RAPGEF6: variants seen among roughly 807,000 people sequenced by gnomAD.
RAPGEF6 encodes PDZ domain containing guanine nucleotide exchange factor (GEF) 2.
In RAPGEF6, 56 loss-of-function variants were observed where a neutral mutation model predicts 171.4. The observed-to-expected ratio is 0.33, with a 90% CI of 0.26 to 0.41. The LOEUF (loss-of-function observed/expected upper bound fraction) is 0.41. RAPGEF6 is among the 10% of genes least tolerant of loss of function. The pLI, the probability that RAPGEF6 is intolerant of heterozygous loss-of-function variation, is 1.00. For synonymous variants in RAPGEF6, 692 were observed against 650.1 expected, an observed-to-expected ratio of 1.06 and a Z score of -0.98; for missense variants, 1,674 against 1,921.4, an observed-to-expected ratio of 0.87 and a Z score of 2.41.
chr5:131,608,631 G>C (rs924573612), intron 1 of RAPGEF6, among the ~76,000 whole-genome samples: 1 of 152,158 alleles, frequency 6.6e-6, no homozygotes, highest in African/African-American at 2.4e-5. Context: ...TTAGCAGGTA[G>C]GACCTAGCAA....
At chr5:131,609,123 A>G (rs988970018) in intron 1 of RAPGEF6, among the ~76,000 whole-genome samples, 15 of 151,822 alleles carry the variant, frequency 9.9e-5, no homozygotes, top group African/African-American at 3.6e-4. Context: ...CTCCCCTTTC[A>G]CTTTTTGCCA....
intron 6 of RAPGEF6, among the ~76,000 whole-genome samples, chr5:131,536,559 CT>C (rs903047333): frequency 1.3e-5 from 2 of 152,112 alleles, no homozygotes; most frequent in African/African-American, 4.8e-5. Flanking sequence ...CAGCCACCAG[CT>C]GGACACACAT....
intron 3 of RAPGEF6, 135 bp downstream of exon 3, chr5:131,603,136 T>C: frequency 2.9e-6 from 2 of 687,212 alleles, no homozygotes; most frequent in Admixed American, 2.9e-5. Context: ...CTATGTATGT[T>C]ATATACTTCA....
chr5:131,617,521 C>T (rs751229980), intron 1 of RAPGEF6, among the ~76,000 whole-genome samples: 5 of 152,186 alleles, frequency 3.3e-5, no homozygotes, highest in Admixed American at 6.5e-5. Flanking sequence ...GTTACGATCT[C>T]AGCCCACTGC....
chr5:131,442,212 C>T, intron 23 of RAPGEF6, 137 bp downstream of exon 23: 1 of 835,650 alleles, frequency 1.2e-6, no homozygotes, highest in Admixed American at 3.6e-5. Flanking sequence ...ATGAAATCAA[C>T]ATTTTTGATT....
intron 8 of RAPGEF6, among the ~76,000 whole-genome samples, chr5:131,509,066 G>T (rs1283102842): frequency 6.6e-6 from 1 of 152,016 alleles, no homozygotes; most frequent in Non-Finnish European, 1.5e-5. Context: ...AATTGGAAGG[G>T]TAGCTATTAT....
chr5:131,570,665 T>C (rs986072328), intron 4 of RAPGEF6, among the ~76,000 whole-genome samples: 2 of 152,132 alleles, frequency 1.3e-5, no homozygotes, highest in Non-Finnish European at 2.9e-5. Flanking sequence ...AAAAACATTA[T>C]GCTAAATGAA....
chr5:131,552,101 G>A (rs923479544), intron 5 of RAPGEF6, among the ~76,000 whole-genome samples: 1 of 151,992 alleles, frequency 6.6e-6, no homozygotes, highest in African/African-American at 2.4e-5. Context: ...TCACTCTGAT[G>A]TTTGTAGGGA....
In RAPGEF6 at chr5:131,425,534, C is replaced by G. The variant is rs1215071358; in HGVS notation, c.*1732G>C. The G allele has an allele frequency of 2.6e-5, 4 of 152,316 alleles. No individual in the cohort carries two copies. The allele number at this position is 152,316 out of a possible 1,614,324, so 9.4% of individuals were successfully genotyped here. ...AAGGACCAAGAAAGCTATGGAACCA[C>G]CAAGCCTCATTCTATCATACCTGCG... is the stretch of plus-strand genomic sequence containing the variant. On this transcript the variant is annotated 3_prime_UTR_variant, in exon 28 of 28. Coordinates refer to ENST00000509018, the MANE Select transcript of RAPGEF6 (RefSeq NM_016340.6).
intron 5 of RAPGEF6, among the ~76,000 whole-genome samples, chr5:131,551,377 G>A (rs1462920708): frequency 6.6e-6 from 1 of 151,902 alleles, no homozygotes; most frequent in African/African-American, 2.4e-5. Flanking sequence ...GCCAGGCGCG[G>A]TGGCAGGCGC....
At chr5:131,561,220 T>C (rs1450605818) in intron 5 of RAPGEF6, among the ~76,000 whole-genome samples, 1 of 152,220 alleles carries the variant, frequency 6.6e-6, no homozygotes, top group Non-Finnish European at 1.5e-5. Context: ...TCTTAAATAA[T>C]TAAAAAGTGA....
chr5:131,501,385 G>A (rs915219198), intron 11 of RAPGEF6, among the ~76,000 whole-genome samples: 7 of 151,482 alleles, frequency 4.6e-5, no homozygotes, highest in African/African-American at 1.7e-4. Flanking sequence ...AGCAAAAGAT[G>A]GTTATGATTT....
chr5:131,604,891 C>T (rs1471342512), intron 1 of RAPGEF6, among the ~76,000 whole-genome samples, 198 bp from the exon 2 acceptor site: 1 of 152,194 alleles, frequency 6.6e-6, no homozygotes, highest in African/African-American at 2.4e-5. Context: ...AACTCCTCTT[C>T]AACGTGACCA....
intron 6 of RAPGEF6, among the ~76,000 whole-genome samples, chr5:131,539,209 C>A (rs553469815): frequency 6.6e-6 from 1 of 152,072 alleles, no homozygotes; most frequent in South Asian, 2.1e-4. Context: ...TTAGAAGTAA[C>A]AAAAGTCTGT....
At chr5:131,454,758 A>G (rs1207304511) in intron 20 of RAPGEF6, among the ~76,000 whole-genome samples, 1 of 152,216 alleles carries the variant, frequency 6.6e-6, no homozygotes, top group Non-Finnish European at 1.5e-5. Flanking sequence ...TCGGAATAAG[A>G]AACAAAAACA....
At chr5:131,488,627 C>G (rs902643643) in intron 15 of RAPGEF6, among the ~76,000 whole-genome samples, 4 of 151,936 alleles carry the variant, frequency 2.6e-5, no homozygotes, top group Admixed American at 6.6e-5. Context: ...CAAAGGGACT[C>G]AAAAAGAGGA....
intron 21 of RAPGEF6, 71 bp from the exon 22 acceptor site, chr5:131,446,774 A>C: frequency 7.2e-7 from 1 of 1,381,102 alleles, no homozygotes; most frequent in Non-Finnish European, 1.0e-6. Context: ...TGAAGATTAA[A>C]AGATTTTGTT....
intron 5 of RAPGEF6, among the ~76,000 whole-genome samples, chr5:131,558,409 C>A (rs1230206438): frequency 6.6e-6 from 1 of 152,026 alleles, no homozygotes; most frequent in Non-Finnish European, 1.5e-5. Flanking sequence ...TATCAATTTT[C>A]TTAGTCTTTT....
At chr5:131,616,353 G>T (rs1420669493) in intron 1 of RAPGEF6, among the ~76,000 whole-genome samples, 1 of 152,114 alleles carries the variant, frequency 6.6e-6, no homozygotes, top group Non-Finnish European at 1.5e-5. Flanking sequence ...CATATTTGGA[G>T]CACTGTATAA....
Sources: allele counts gnomAD v4.1 joint callset (sites outside exome capture counted in the v4.1 genomes callset), GRCh38; gene constraint gnomAD v4.1.1; transcripts MANE v1.5; gene names NCBI Gene and HGNC (gene_info 2026-07-23, HGNC 2026-07-21).